NIPAL3: variants seen among roughly 807,000 people sequenced by gnomAD.
NIPAL3 encodes the protein NIPA-like protein 3.
Under a neutral mutation model 47.2 loss-of-function variants are expected in NIPAL3, and 41 were observed. The observed-to-expected ratio is 0.87, with a 90% confidence interval of 0.68 to 1.13. The LOEUF (loss-of-function observed/expected upper bound fraction) is 1.13. Ranked by LOEUF, NIPAL3 falls within the 50% of genes most tolerant of loss-of-function variation. NIPAL3 has a pLI of 0.00. For missense variants in NIPAL3, 449 were observed against 530.1 expected (o/e 0.85, Z 1.50); for synonymous variants, 194 against 209.6 (o/e 0.93, Z 0.64).
intron 2 of NIPAL3, among the ~76,000 whole-genome samples, chr1:24,420,980 A>G (rs1333238171): frequency 6.6e-6 from 1 of 152,210 alleles, no homozygotes; most frequent in Non-Finnish European, 1.5e-5. Context: ...AATACCTATC[A>G]GTGCAGCATC....
chr1:24,426,325 C>T (rs1321822759), intron 2 of NIPAL3, among the ~76,000 whole-genome samples: 2 of 150,904 alleles, frequency 1.3e-5, no homozygotes, highest in Non-Finnish European at 2.9e-5. Context: ...GATACAGTTT[C>T]AGTCCGTCGC....
rs534699711 is a variant in NIPAL3, at chr1:24,470,103, C to G, written c.*918C>G. On this transcript the variant is annotated 3_prime_UTR_variant, in exon 12 of 12. Transcript: ENST00000374399. The stretch of plus-strand genomic sequence containing the variant: ...GACAGCCTCTTCACCTGTCCTCCGT[C>G]TCTCCATTACAGAGCCACAAGCCAA... 6.6e-6 allele frequency: 1 copy of G among 152,326 alleles called. No individual in the cohort carries two copies. The highest frequency in any genetic ancestry group is 1.5e-5 in the Non-Finnish European group (1 of 68,034). 9.4% of individuals were successfully genotyped at this position (152,326 alleles called of 1,614,324 possible).
chr1:24,445,436 T>TAA (rs1645612208), intron 5 of NIPAL3, among the ~76,000 whole-genome samples, 192 bp downstream of exon 5: 1 of 152,152 alleles, frequency 6.6e-6, no homozygotes, highest in Non-Finnish European at 1.5e-5. Context: ...CACCTCAGAA[T>TAA]CATCGGTGAG....
At chr1:24,463,474 G>A (rs1280723791) in intron 10 of NIPAL3, among the ~76,000 whole-genome samples, 1 of 152,090 alleles carries the variant, frequency 6.6e-6, no homozygotes, top group Non-Finnish European at 1.5e-5. Flanking sequence ...GACATCTAGG[G>A]TTTGTGCATT....
chr1:24,432,158 T>C lies in NIPAL3; in HGVS notation c.94-8014T>C, dbSNP rs369365419. On this transcript the variant is annotated intron_variant, in intron 2 of 11. Transcript: ENST00000374399. ...ATATATATATTTTTGAGATGGAGTTTCGCTCTTGTTGCCTAGGCTGGAGGG... is the reference window on the plus strand; with the variant it reads ...ATATATATATTTTTGAGATGGAGTTCCGCTCTTGTTGCCTAGGCTGGAGGG... Among the ~76,000 whole-genome samples the C allele has an allele frequency of 5.8e-4, 88 of 152,310 alleles. 1 individual carries two copies. In the South Asian group the frequency reaches 0.018, roughly 31 times the overall value.
chr1:24,435,969 C>T (rs1022581578), intron 2 of NIPAL3, among the ~76,000 whole-genome samples: 12 of 152,192 alleles, frequency 7.9e-5, no homozygotes, highest in African/African-American at 2.2e-4. Context: ...CCACCTCAGA[C>T]GGCACTTCCT....
At chr1:24,413,580 G>C (rs1019417880), upstream of NIPAL3, 1 of 152,354 alleles carries the variant, frequency 6.6e-6, no homozygotes, top group Non-Finnish European at 1.5e-5. Context: ...AGGCCGGGGG[G>C]TCTCCGCGGG....
At position 24,469,574 on chromosome 1, in the gene NIPAL3, G is replaced by C. The variant is rs577599977; in HGVS notation, c.*389G>C. On this transcript the variant is annotated 3_prime_UTR_variant, in exon 12 of 12. Transcript: ENST00000374399. ...TGTTAATTCTCAAATCCAGCGAAAG[G>C]CTGGACATCTCTAAATCTCGTCTTC... 5.6e-6 allele frequency: 1 copy of C among 177,908 alleles called. No homozygotes were observed. Among genetic ancestry groups the C allele is most frequent in the African/African-American group, 2.3e-5 (1 of 42,590 alleles). 11.0% of individuals were successfully genotyped at this position (177,908 alleles called of 1,614,324 possible).
chr1:24,423,499 G>C (rs909965804), intron 2 of NIPAL3, among the ~76,000 whole-genome samples: 1 of 152,120 alleles, frequency 6.6e-6, no homozygotes, highest in Non-Finnish European at 1.5e-5. Flanking sequence ...GTGCGGTGGC[G>C]GGTGCCTATA....
chr1:24,462,904 C>T (rs957839869), intron 10 of NIPAL3, among the ~76,000 whole-genome samples: 6 of 152,090 alleles, frequency 3.9e-5, no homozygotes, highest in African/African-American at 1.4e-4. Flanking sequence ...TCGAGACCAG[C>T]CTGGTGGTTT....
rs150116387 is a variant in NIPAL3 at position 24,429,767 on chromosome 1, T to C, written c.93+10127T>C. 1.4e-4 allele frequency among the ~76,000 whole-genome samples: 21 copies of C among 152,308 alleles called. No individual in the cohort carries two copies. The East Asian group carries it at 3.9e-3, about 28-fold the overall frequency. On this transcript the variant is annotated intron_variant, in intron 2 of 11. Coordinates refer to ENST00000374399, the MANE Select transcript of NIPAL3 (RefSeq NM_020448.5). ...TTTGATTGGTTGTGCTTAAGTATCA[T>C]TTTACTGGTTACATTGCAATTCAGT...
At chr1:24,465,792 C>T (rs756920376) in intron 11 of NIPAL3, 7 of 502,210 alleles carry the variant, frequency 1.4e-5, no homozygotes, top group Middle Eastern at 5.1e-4. Context: ...GCCTCTTGCA[C>T]GGTGTCTGGG....
intron 4 of NIPAL3, among the ~76,000 whole-genome samples, chr1:24,443,574 A>T (rs1415020297): frequency 6.6e-6 from 1 of 152,184 alleles, no homozygotes; most frequent in South Asian, 2.1e-4. Flanking sequence ...AGTGCTTCCA[A>T]CAGTCACTAC....
intron 2 of NIPAL3, among the ~76,000 whole-genome samples, chr1:24,428,275 A>T (rs1011613036): frequency 2.7e-5 from 4 of 150,000 alleles, no homozygotes; most frequent in Non-Finnish European, 4.4e-5. Flanking sequence ...AGAGAGAGAG[A>T]GAGAGAGAGA....
chr1:24,454,465 A>G lies in NIPAL3; in HGVS notation c.637+961A>G, dbSNP rs1400082694. 20 of 997,272 alleles carry G rather than the reference A, an allele frequency of 2.0e-5. No individual in the cohort carries two copies. The highest frequency in any genetic ancestry group is 2.2e-5 in the Non-Finnish European group (18 of 837,072). The allele number at this position is 997,272 out of a possible 1,614,324, so 61.8% of individuals were successfully genotyped here. The stretch of plus-strand genomic sequence containing the variant: ...GGCTAATATGTGCATTTTTCTTCCA[A>G]CCTTCCTACTGTGTGCCCTACCACC... On this transcript the variant is annotated intron_variant, in intron 7 of 11. Transcript: ENST00000374399. The surrounding 1 kb of genome is among the most constrained non-coding windows in gnomAD (Gnocchi z 4.1).
At chr1:24,453,904 T>C (rs1251012328) in intron 7 of NIPAL3, 5 of 411,994 alleles carry the variant, frequency 1.2e-5, no homozygotes, top group Non-Finnish European at 1.9e-5. Flanking sequence ...AGCTTAGGGA[T>C]TCATTCTGAT....
At chr1:24,458,577 CG>C (rs1344055259) in intron 8 of NIPAL3, among the ~76,000 whole-genome samples, 1 of 149,348 alleles carries the variant, frequency 6.7e-6, no homozygotes, top group African/African-American at 2.5e-5. Flanking sequence ...GGTGGGGATA[CG>C]GGGGGTGAGG....
At position 24,469,196 on chromosome 1, in the gene NIPAL3, CCTCT is replaced by C. The variant is rs1557543625; in HGVS notation, c.*12_*15del. On this transcript the variant is annotated 3_prime_UTR_variant, in exon 12 of 12. Transcript: ENST00000374399. ...ACCAAGAAGGAATGAGACTCGCCTCCCTCTATTTATAACTGTCCCCTCCAGGCTG... is the reference window on the plus strand; with the variant it reads ...ACCAAGAAGGAATGAGACTCGCCTCCATTTATAACTGTCCCCTCCAGGCTG... 6.2e-7 allele frequency: 1 copy of C among 1,610,760 alleles called. No homozygotes were observed. Among genetic ancestry groups the C allele is most frequent in the Admixed American group, 1.7e-5 (1 of 59,854 alleles).
intron 4 of NIPAL3, 101 bp from the exon 5 acceptor site, chr1:24,445,084 C>A: frequency 1.4e-6 from 1 of 733,850 alleles, no homozygotes; most frequent in Non-Finnish European, 2.4e-6. Flanking sequence ...TAGGAAGTAC[C>A]AAGCTCCAAT....
Sources: allele counts gnomAD v4.1 joint callset (sites outside exome capture counted in the v4.1 genomes callset), GRCh38; gene constraint gnomAD v4.1.1; non-coding constraint Gnocchi (gnomAD v3.1); transcripts MANE v1.5; gene names NCBI Gene and HGNC (gene_info 2026-07-23, HGNC 2026-07-21).